The following ATP8B1 variants were observed in gnomAD, a reference collection of about 807,000 sequenced individuals.
The protein encoded by ATP8B1 is ATPase phospholipid transporting 8B1.
Under a neutral mutation model 149.9 loss-of-function variants are expected in ATP8B1, and 80 were observed. The observed-to-expected ratio is 0.53, with a 90% confidence interval of 0.45 to 0.64. ATP8B1 has a LOEUF of 0.64. ATP8B1 is among the 30% of genes least tolerant of loss of function. The pLI, the probability that ATP8B1 is intolerant of heterozygous loss-of-function variation, is 0.00. For missense variants in ATP8B1, 1,247 were observed against 1,552.6 expected, an observed-to-expected ratio of 0.80 and a Z score of 3.31; for synonymous variants, 536 against 562.8, an observed-to-expected ratio of 0.95 and a Z score of 0.67.
intron 23 of ATP8B1, 46 bp downstream of exon 23, chr18:57,655,148 T>C (rs779923799): frequency 4.6e-6 from 7 of 1,515,476 alleles, no homozygotes; most frequent in Non-Finnish European, 5.5e-6. Flanking sequence ...TTTATTCATT[T>C]AAGAGCTCTA....
intron 2 of ATP8B1, among the ~76,000 whole-genome samples, chr18:57,727,134 T>C (rs945169583): frequency 3.9e-5 from 6 of 152,084 alleles, no homozygotes; most frequent in South Asian, 4.2e-4. Flanking sequence ...GATGGCACAG[T>C]ATCACCACCC....
At chr18:57,777,290 T>C (rs186861863) in intron 1 of ATP8B1, among the ~76,000 whole-genome samples, 7 of 152,312 alleles carry the variant, frequency 4.6e-5, no homozygotes, top group Admixed American at 3.3e-4. Context: ...GCTAATTTCT[T>C]ATCTATTGAA....
Position 57,662,604 on chromosome 18 carries a change from T to C in ATP8B1, c.2297A>G (p.His766Arg). Residue 766 changes from histidine to arginine, a missense_variant, in exon 21 of 28, where the codon CAT becomes CGT. By Grantham distance (29) the His-to-Arg change is conservative. This residue lies in a region of ATP8B1 where 853 missense variants were observed against 1,035.7 expected (regional missense o/e 0.82). Transcript: ENST00000648908. ...ATTCCTCTGGTTTTCCATCCTTGCA[T>C]GAAGAAGAGAACTAGGGGAAACCAA... ...CYGEDINSLLHARMENQRNRG... is the reference protein window; with the variant it reads ...CYGEDINSLLRARMENQRNRG... 1 of 1,614,154 alleles carries C rather than the reference T, an allele frequency of 6.2e-7. No individual in the cohort carries two copies. Among genetic ancestry groups the C allele is most frequent in the Non-Finnish European group, 8.5e-7 (1 of 1,180,002 alleles).
At position 57,695,449 on chromosome 18, in the gene ATP8B1, C is replaced by G; in HGVS notation, c.781+1G>C. 6.2e-7 allele frequency: 1 copy of G among 1,610,638 alleles called. No individual in the cohort carries two copies. The highest frequency in any genetic ancestry group is 8.5e-7 in the Non-Finnish European group (1 of 1,176,932). ...CAAAGTAAGACATGTTTGGTACAAA[C>G]CATCAAATGTAGCCAATGTATCTTC... On this transcript the variant is annotated splice_donor_variant, in intron 9 of 27. Coordinates refer to ENST00000648908, the MANE Select transcript of ATP8B1 (RefSeq NM_001374385.1). LOFTEE classifies it high-confidence loss of function.
At chr18:57,771,103 T>A (rs1243707737) in intron 1 of ATP8B1, among the ~76,000 whole-genome samples, 1 of 152,244 alleles carries the variant, frequency 6.6e-6, no homozygotes, top group Non-Finnish European at 1.5e-5. Context: ...TCAAGTGATC[T>A]GCCCACCTCA....
chr18:57,776,659 C>T (rs779121153), intron 1 of ATP8B1, among the ~76,000 whole-genome samples: 6 of 150,306 alleles, frequency 4.0e-5, no homozygotes, highest in Non-Finnish European at 8.9e-5. Flanking sequence ...CACCTTAGAT[C>T]CTTAAAAGTG....
At chr18:57,755,404 C>T (rs1011692153) in intron 1 of ATP8B1, 6 of 151,916 alleles carry the variant, frequency 3.9e-5, no homozygotes, top group African/African-American at 1.5e-4. Flanking sequence ...GTGCTTGCTT[C>T]GGCAGCACAT....
chr18:57,688,617 G>C (rs1430286356), intron 12 of ATP8B1, 110 bp from the exon 13 acceptor site: 1 of 1,103,242 alleles, frequency 9.1e-7, no homozygotes, highest in Non-Finnish European at 1.4e-6. Flanking sequence ...TTACTGCTAT[G>C]GTCTGAATGT....
At chr18:57,663,877 C>T (rs570332549) in intron 20 of ATP8B1, among the ~76,000 whole-genome samples, 3 of 149,560 alleles carry the variant, frequency 2.0e-5, no homozygotes, top group South Asian at 2.1e-4. Flanking sequence ...AGCTATTCTT[C>T]CACCTCAGCC....
In ATP8B1 at chr18:57,653,987, C is replaced by A; in HGVS notation, c.3015+5G>T. The A allele has an allele frequency of 6.2e-7, 1 of 1,612,128 alleles. No individual in the cohort carries two copies. Among genetic ancestry groups the A allele is most frequent in the Non-Finnish European group, 8.5e-7 (1 of 1,178,244 alleles). On this transcript the variant is annotated splice_donor_5th_base_variant and intron_variant, in intron 24 of 27. Coordinates refer to ENST00000648908, the MANE Select transcript of ATP8B1 (RefSeq NM_001374385.1). ...GAAGTGTCCCTGCTTGTGCGAGGCTCCTACCTGGTCGAGCAGCCCCATGAG... is the reference window on the plus strand; with the variant it reads ...GAAGTGTCCCTGCTTGTGCGAGGCTACTACCTGGTCGAGCAGCCCCATGAG...
At chr18:57,694,139 T>C (rs1039190392) in intron 11 of ATP8B1, among the ~76,000 whole-genome samples, 2 of 152,186 alleles carry the variant, frequency 1.3e-5, no homozygotes, top group African/African-American at 4.8e-5. Context: ...CTCGACATAC[T>C]TTATTTTTAG....
intron 1 of ATP8B1, among the ~76,000 whole-genome samples, chr18:57,795,863 T>A (rs1342825846): frequency 1.4e-5 from 2 of 139,352 alleles, no homozygotes; most frequent in East Asian, 4.4e-4. Context: ...CAATGTTATG[T>A]ATATTTTACA....
intron 2 of ATP8B1, among the ~76,000 whole-genome samples, chr18:57,718,987 C>G (rs1213792543): frequency 6.6e-6 from 1 of 152,124 alleles, no homozygotes; most frequent in Non-Finnish European, 1.5e-5. Context: ...CTACTTTCAC[C>G]AGAAGTCCTA....
intron 2 of ATP8B1, 34 bp from the exon 3 acceptor site, chr18:57,706,621 C>G (rs1913411433): frequency 6.6e-7 from 1 of 1,518,776 alleles, no homozygotes. Context: ...TCGTAAGTAG[C>G]AAATTAACAT....
chr18:57,775,966 C>T (rs2080302879), intron 1 of ATP8B1, among the ~76,000 whole-genome samples: 1 of 152,078 alleles, frequency 6.6e-6, no homozygotes, highest in Non-Finnish European at 1.5e-5. Context: ...TAAAATCTAT[C>T]CATTCATGTG....
intron 15 of ATP8B1, among the ~76,000 whole-genome samples, chr18:57,675,820 C>T (rs1911550198): frequency 6.6e-6 from 1 of 152,178 alleles, no homozygotes. Flanking sequence ...ATCCTCCTAC[C>T]TCATCTTCCC....
At chr18:57,733,954 C>T (rs1469377021) in intron 1 of ATP8B1, 1 of 152,032 alleles carries the variant, frequency 6.6e-6, no homozygotes, top group Non-Finnish European at 1.5e-5. Context: ...TTATGTAAAA[C>T]AGTAAAAGCC....
intron 23 of ATP8B1, among the ~76,000 whole-genome samples, chr18:57,654,302 T>C (rs1279251840): frequency 6.6e-6 from 1 of 151,338 alleles, no homozygotes; most frequent in African/African-American, 2.4e-5. Context: ...TCTATGCACC[T>C]GGCCTGTTAT....
chr18:57,706,372 C>T, intron 3 of ATP8B1, 118 bp downstream of exon 3: 1 of 768,568 alleles, frequency 1.3e-6, no homozygotes, highest in Non-Finnish European at 2.3e-6. Context: ...TGATGATTAT[C>T]AGTAGCCCCA....
Sources: allele counts gnomAD v4.1 joint callset (sites outside exome capture counted in the v4.1 genomes callset), GRCh38; gene constraint gnomAD v4.1.1; regional missense constraint gnomAD v4.1.1; transcripts MANE v1.5; gene names NCBI Gene and HGNC (gene_info 2026-07-23, HGNC 2026-07-21).